The following USP7 variants were observed in gnomAD, a reference collection of about 807,000 sequenced individuals.
The protein encoded by USP7 is ubiquitin C-terminal hydrolase 7.
Under a neutral mutation model 162.9 loss-of-function variants are expected in USP7, and 9 were observed. That is an observed-to-expected ratio of 0.06 (90% CI 0.03 to 0.10). The LOEUF (loss-of-function observed/expected upper bound fraction) is 0.10, where lower values mean the gene tolerates loss of function less well. Among genes scored for constraint, USP7 ranks in the 10% least tolerant of loss-of-function variants. USP7 has a pLI of 1.00. For missense variants in USP7, 715 were observed against 1,373.7 expected (o/e 0.52, Z 7.58); for synonymous variants, 562 against 475.9 (o/e 1.18, Z -2.35).
At chr16:8,926,551 C>G (rs769700501) in intron 2 of USP7, among the ~76,000 whole-genome samples, 4 of 152,174 alleles carry the variant, frequency 2.6e-5, no homozygotes, top group Non-Finnish European at 5.9e-5. Flanking sequence ...TTCACAGATA[C>G]GGCCAGCCAG....
At chr16:8,912,544 T>C (rs1249354711) in intron 10 of USP7, among the ~76,000 whole-genome samples, 1 of 148,454 alleles carries the variant, frequency 6.7e-6, no homozygotes, top group African/African-American at 2.5e-5. Context: ...AATCCTTCAA[T>C]AGAAACAGAT....
At chr16:8,895,555 A>C in intron 27 of USP7, 87 bp downstream of exon 27, 8 of 1,096,872 alleles carry the variant, frequency 7.3e-6, no homozygotes, top group Non-Finnish European at 1.1e-5. Context: ...AAATCAAGCT[A>C]CTTGTACAAC....
chr16:8,923,670 A>G (rs1271921602), intron 2 of USP7, among the ~76,000 whole-genome samples: 1 of 152,242 alleles, frequency 6.6e-6, no homozygotes, highest in Non-Finnish European at 1.5e-5. Flanking sequence ...ACTGAGTTCC[A>G]CATGAGAACA....
Position 8,902,396 on chromosome 16 carries a change from G to T in USP7, c.1926C>A (p.Ala642=), listed in dbSNP as rs140316737. 100 of 1,613,724 alleles carry T rather than the reference G, an allele frequency of 6.2e-5. No individual in the cohort carries two copies. The highest frequency in any genetic ancestry group is 1.7e-5 in the Admixed American group (1 of 59,980). Residue 642 remains alanine, a synonymous_variant, in exon 17 of 31, where the codon GCC becomes GCA. Coordinates refer to ENST00000344836, the MANE Select transcript of USP7 (RefSeq NM_003470.3). ...CAATATTTACTGTTTTATTGCCGTCGGCTTCATTATCTAACATTGCTGGTC... is the reference window on the plus strand; with the variant it reads ...CAATATTTACTGTTTTATTGCCGTCTGCTTCATTATCTAACATTGCTGGTC... ...TKRPAMLDNE[A]DGNKTMIELS...
Position 8,963,365 on chromosome 16 carries a change from G to A in USP7, c.-80C>T. The A allele has an allele frequency of 7.4e-6, 2 of 272,054 alleles. No individual in the cohort carries two copies. 16.9% of individuals were successfully genotyped at this position (272,054 alleles called of 1,614,324 possible). A position where few individuals can be genotyped will look rare whatever the true frequency, so the allele number is the denominator to read the frequency against. On this transcript the variant is annotated 5_prime_UTR_variant, in exon 1 of 31. Coordinates refer to ENST00000344836, the MANE Select transcript of USP7 (RefSeq NM_003470.3). ...CGGGCGGGCGGCGGCGAGCCGGGGC[G>A]GCGGCGGCGGCGGCGGCGGCGGGGC... is the stretch of plus-strand genomic sequence containing the variant.
In USP7 at chr16:8,903,256, A is replaced by AC; in HGVS notation, c.1839+11dup. ...AGCCACGGTGGGGTATATCCACGGG[A>AC]CCGGTACGCACCATGGTCTGAGAGA... On this transcript the variant is annotated intron_variant, in intron 16 of 30. Transcript: ENST00000344836. 6.2e-7 allele frequency: 1 copy of AC among 1,609,172 alleles called. No individual in the cohort carries two copies. Among genetic ancestry groups the AC allele is most frequent in the Non-Finnish European group, 8.5e-7 (1 of 1,177,298 alleles).
chr16:8,918,182 CCTGGGATATATCA>C (rs1897481465), intron 6 of USP7, among the ~76,000 whole-genome samples: 1 of 152,078 alleles, frequency 6.6e-6, no homozygotes, highest in African/African-American at 2.4e-5. Context: ...CTGAGCTGTC[CCTGGGATATATCA>C]CGACAACCTG....
intron 1 of USP7, among the ~76,000 whole-genome samples, chr16:8,932,197 A>T (rs1451833152): frequency 1.3e-5 from 2 of 152,212 alleles, no homozygotes; most frequent in African/African-American, 4.8e-5. Flanking sequence ...AGGTATTACC[A>T]CTCAGACGTT....
At chr16:8,957,828 C>T (rs1368435616) in intron 1 of USP7, among the ~76,000 whole-genome samples, 2 of 151,602 alleles carry the variant, frequency 1.3e-5, no homozygotes, top group African/African-American at 2.4e-5. Flanking sequence ...TACAAAATAC[C>T]GAAAAGAAAT....
At chr16:8,923,463 G>C (rs1254855460) in intron 2 of USP7, 50 bp from the exon 3 acceptor site, 1 of 1,588,038 alleles carries the variant, frequency 6.3e-7, no homozygotes, top group African/African-American at 1.3e-5. Flanking sequence ...TTGACCAAAA[G>C]CACTAGCATT....
intron 3 of USP7, among the ~76,000 whole-genome samples, chr16:8,922,787 T>C (rs1310441447): frequency 1.3e-5 from 2 of 152,244 alleles, no homozygotes; most frequent in Admixed American, 1.3e-4. Flanking sequence ...TAAATGTTCC[T>C]CAAGTCAGAG....
chr16:8,907,341 G>C (rs375140095), intron 12 of USP7, among the ~76,000 whole-genome samples: 1 of 152,242 alleles, frequency 6.6e-6, no homozygotes, highest in Non-Finnish European at 1.5e-5. Context: ...GGCTGAGACA[G>C]TTTCTGACCA....
chr16:8,931,617 C>T (rs1898346570), intron 1 of USP7, among the ~76,000 whole-genome samples: 1 of 152,196 alleles, frequency 6.6e-6, no homozygotes, highest in Admixed American at 6.5e-5. Flanking sequence ...GGCTGAAAAA[C>T]ACATATAACT....
chr16:8,960,767 G>A (rs936425074), intron 1 of USP7, among the ~76,000 whole-genome samples: 115 of 152,098 alleles, frequency 7.6e-4, no homozygotes, highest in African/African-American at 2.6e-3. Context: ...TCACTCTTTC[G>A]GGTCCTAAGT....
intron 14 of USP7, 112 bp downstream of exon 14, chr16:8,905,075 A>G: frequency 1.5e-6 from 2 of 1,353,666 alleles, no homozygotes; most frequent in Non-Finnish European, 2.1e-6. Context: ...TGCTGTGAAT[A>G]CAATGGAATA....
intron 1 of USP7, among the ~76,000 whole-genome samples, chr16:8,931,323 G>C (rs1038684108): frequency 6.6e-6 from 1 of 151,960 alleles, no homozygotes; most frequent in African/African-American, 2.4e-5. Context: ...TGAGTAGCTG[G>C]GATTAGAAGC....
chr16:8,950,385 T>C (rs947373647), intron 1 of USP7, among the ~76,000 whole-genome samples: 1 of 152,212 alleles, frequency 6.6e-6, no homozygotes, highest in African/African-American at 2.4e-5. Flanking sequence ...TAAAAGCCCT[T>C]TAATTTCATC....
At chr16:8,900,944 A>G (rs201386037) in intron 20 of USP7, 46 bp downstream of exon 20, 4 of 1,592,646 alleles carry the variant, frequency 2.5e-6, no homozygotes, top group African/African-American at 2.7e-5. Flanking sequence ...AACCCTCCAC[A>G]AACTACTAAG....
At chr16:8,924,694 G>A (rs868517207) in intron 2 of USP7, among the ~76,000 whole-genome samples, 3 of 152,244 alleles carry the variant, frequency 2.0e-5, no homozygotes, top group African/African-American at 7.2e-5. Flanking sequence ...CCACTTCTCA[G>A]GGAAGAGAAT....
Sources: gnomAD v4.1 joint callset for allele counts (sites outside exome capture counted in the v4.1 genomes callset) on GRCh38, gnomAD v4.1.1 for gene constraint, MANE v1.5 for transcripts, NCBI Gene and HGNC (gene_info 2026-07-23, HGNC 2026-07-21) for gene names.